The following JPT1 variants were observed in gnomAD, a reference collection of about 807,000 sequenced individuals.
JPT1 encodes the protein androgen-regulated protein 2.
Under a neutral mutation model 17.0 loss-of-function variants are expected in JPT1, and 5 were observed. The ratio of observed to expected loss-of-function variants is 0.29; its 90% CI spans 0.15 to 0.62. The LOEUF (loss-of-function observed/expected upper bound fraction) is 0.62, where lower values mean the gene tolerates loss of function less well. Among genes scored for constraint, JPT1 ranks in the 20% least tolerant of loss-of-function variants. JPT1 has a pLI of 0.85. For synonymous variants in JPT1, 71 were observed against 73.6 expected (o/e 0.96, Z 0.18); for missense variants, 158 against 188.1 (o/e 0.84, Z 0.94).
In JPT1 at chr17:75,135,964, A is replaced by G. The variant is rs756632745; in HGVS notation, c.*138T>C. On this transcript the variant is annotated 3_prime_UTR_variant, in exon 5 of 5. Transcript: ENST00000409753. ...CAGAGAGAAACCTGTTCTTCAAAAG[A>G]AAAAAAAAAAAGACAGCAGTACATA... 8.8e-5 allele frequency: 50 copies of G among 567,326 alleles called. No homozygotes were observed. The highest frequency in any genetic ancestry group is 1.1e-4 in the Non-Finnish European group (43 of 407,176). 35.1% of individuals were successfully genotyped at this position (567,326 alleles called of 1,614,324 possible).
intron 4 of JPT1, chr17:75,145,163 CAAAAAAAAAAA>C (rs35376706): frequency 5.9e-5 from 5 of 85,150 alleles, no homozygotes; most frequent in Admixed American, 2.8e-4. Context: ...GACTCCATCT[CAAAAAAAAAAA>C]AAAAAAAAAA....
rs192330251 is a variant in JPT1 at position 75,137,451 on chromosome 17, G to T, written c.317-1201C>A. Among the ~76,000 whole-genome samples the T allele has an allele frequency of 2.0e-5, 3 of 151,864 alleles. No individual in the cohort carries two copies. In the East Asian group the frequency reaches 5.8e-4, roughly 29 times the overall value. On this transcript the variant is annotated intron_variant, in intron 4 of 4. Transcript: ENST00000409753. ...AGCCCACTGTAGCCTCAAACTCCTG[G>T]GCTCAAGCAATCCTCCTATATCAGT...
intron 4 of JPT1, among the ~76,000 whole-genome samples, chr17:75,136,921 G>A (rs999854091): frequency 6.6e-6 from 1 of 152,128 alleles, no homozygotes; most frequent in African/African-American, 2.4e-5. Flanking sequence ...TAGTCCACTT[G>A]TTTTATGTAT....
At chr17:75,137,050 CCTTG>C (rs2080650016) in intron 4 of JPT1, among the ~76,000 whole-genome samples, 1 of 152,042 alleles carries the variant, frequency 6.6e-6, no homozygotes, top group South Asian at 2.1e-4. Context: ...TAGTAATTCG[CCTTG>C]CTTATTAACT....
intron 1 of JPT1, among the ~76,000 whole-genome samples, chr17:75,150,168 T>G (rs1284873504): frequency 6.6e-6 from 1 of 152,092 alleles, no homozygotes; most frequent in African/African-American, 2.4e-5. Context: ...CCAATTTGTC[T>G]CCTCCTTGGA....
At chr17:75,143,056 A>T (rs2074358009) in intron 4 of JPT1, among the ~76,000 whole-genome samples, 1 of 152,120 alleles carries the variant, frequency 6.6e-6, no homozygotes, top group Admixed American at 6.5e-5. Context: ...GCAGGACTGT[A>T]ATCTGATGGC....
At chr17:75,146,474 TTC>T (rs764716991) in intron 4 of JPT1, 190 bp downstream of exon 4, 115 of 509,326 alleles carry the variant, frequency 2.3e-4, no homozygotes, top group African/African-American at 3.4e-4. Context: ...TTTTAAAGGA[TTC>T]TCTGTTTTTT....
chr17:75,148,284 C>CA (rs1264616073), intron 2 of JPT1, among the ~76,000 whole-genome samples: 1 of 152,160 alleles, frequency 6.6e-6, no homozygotes, highest in Non-Finnish European at 1.5e-5. Flanking sequence ...TTCACTCTGT[C>CA]ACCTAGGCTG....
rs191814380 is a variant in JPT1 at position 75,143,627 on chromosome 17, G to A, written c.316+3039C>T. 7.7e-3 allele frequency among the ~76,000 whole-genome samples: 1,176 copies of A among 152,088 alleles called. 8 individuals are homozygous for A. Among genetic ancestry groups the A allele is most frequent in the Non-Finnish European group, 0.012 (812 of 67,994 alleles). On this transcript the variant is annotated intron_variant, in intron 4 of 4. Transcript: ENST00000409753. ...GAGGAGGGTGGATCACCTGAGGTCAGGAGATCAAGACCAGCCTGGCCAACA... is the reference window on the plus strand; with the variant it reads ...GAGGAGGGTGGATCACCTGAGGTCAAGAGATCAAGACCAGCCTGGCCAACA...
intron 1 of JPT1, chr17:75,148,995 T>C: frequency 7.9e-7 from 1 of 1,263,620 alleles, no homozygotes; most frequent in Admixed American, 3.1e-5. Flanking sequence ...TGGACCTTAC[T>C]CTACTGGGCT....
chr17:75,151,431 G>C (rs1217401102), intron 1 of JPT1, among the ~76,000 whole-genome samples: 1 of 152,118 alleles, frequency 6.6e-6, no homozygotes, highest in Non-Finnish European at 1.5e-5. Context: ...GCCAAGGCAG[G>C]CAGATCACAA....
chr17:75,141,912 T>TA (rs540068455), intron 4 of JPT1, among the ~76,000 whole-genome samples: 139 of 150,336 alleles, frequency 9.2e-4, no homozygotes, highest in African/African-American at 2.9e-3. Context: ...CTACTAAAAG[T>TA]AAAAAAAATA....
rs778918648 is a variant in JPT1 at position 75,135,285 on chromosome 17, C to T, written c.*817G>A. ...GATATTGTTTACTTGAAGCAACAGTCCAGGATTGTGAAGTACAACACATTT... is the reference window on the plus strand; with the variant it reads ...GATATTGTTTACTTGAAGCAACAGTTCAGGATTGTGAAGTACAACACATTT... On this transcript the variant is annotated 3_prime_UTR_variant, in exon 5 of 5. Transcript: ENST00000409753. 6.6e-6 allele frequency: 1 copy of T among 152,660 alleles called. No homozygotes were observed. Among genetic ancestry groups the T allele is most frequent in the Non-Finnish European group, 1.5e-5 (1 of 68,054 alleles). 9.5% of individuals were successfully genotyped at this position (152,660 alleles called of 1,614,324 possible). A position where few individuals can be genotyped will look rare whatever the true frequency, so the allele number is the denominator to read the frequency against.
chr17:75,145,713 C>T (rs550085851), intron 4 of JPT1: 2 of 152,244 alleles, frequency 1.3e-5, no homozygotes, highest in South Asian at 4.1e-4. Flanking sequence ...GATCAACCTC[C>T]TTGTTTTACT....
intron 4 of JPT1, among the ~76,000 whole-genome samples, chr17:75,139,919 T>C (rs1032473329): frequency 2.0e-5 from 3 of 152,078 alleles, no homozygotes; most frequent in Admixed American, 2.0e-4. Flanking sequence ...GAATTGAGAG[T>C]AAGTGTTCAG....
Position 75,135,375 on chromosome 17 carries a change from AAAC to A in JPT1, c.*724_*726del, listed in dbSNP as rs2145150596. Reference sequence around the variant, plus strand: ...CATGCACACAGCATCAGGTTATTTAAAACAACACGCCTGTGGGACCCCGTTCCT... The same window carrying A: ...CATGCACACAGCATCAGGTTATTTAAAACACGCCTGTGGGACCCCGTTCCT... On this transcript the variant is annotated 3_prime_UTR_variant, in exon 5 of 5. Coordinates refer to ENST00000409753, the MANE Select transcript of JPT1 (RefSeq NM_016185.4). 6.6e-6 allele frequency: 1 copy of A among 152,654 alleles called. No homozygotes were observed. The highest frequency in any genetic ancestry group is 1.9e-4 in the East Asian group (1 of 5,188). 9.5% of individuals were successfully genotyped at this position (152,654 alleles called of 1,614,324 possible).
At chr17:75,150,328 A>ACTGCAACC (rs2074523986) in intron 1 of JPT1, among the ~76,000 whole-genome samples, 1 of 151,024 alleles carries the variant, frequency 6.6e-6, no homozygotes, top group Non-Finnish European at 1.5e-5. Context: ...ATCTCGGCTC[A>ACTGCAACC]CTGCAACCTC....
intron 4 of JPT1, among the ~76,000 whole-genome samples, chr17:75,143,601 T>G (rs752413290): frequency 3.3e-5 from 5 of 151,550 alleles, no homozygotes. Flanking sequence ...TTTGGGAGGC[T>G]GAGGAGGGTG....
chr17:75,142,806 GTAAT>G (rs2145173501), intron 4 of JPT1: 1 of 456,132 alleles, frequency 2.2e-6, no homozygotes, highest in South Asian at 1.5e-5. Flanking sequence ...AACACAAACA[GTAAT>G]TAATACATAC....
Sources: gnomAD v4.1 joint callset for allele counts (sites outside exome capture counted in the v4.1 genomes callset) on GRCh38, gnomAD v4.1.1 for gene constraint, MANE v1.5 for transcripts, NCBI Gene and HGNC (gene_info 2026-07-23, HGNC 2026-07-21) for gene names.